Variants in SHISA9 observed in about 807,000 individuals in gnomAD.
SHISA9 encodes shisa family member 9.
Under a neutral mutation model 38.0 loss-of-function variants are expected in SHISA9, and 13 were observed. The ratio of observed to expected loss-of-function variants is 0.34; its 90% confidence interval spans 0.22 to 0.54. The LOEUF (loss-of-function observed/expected upper bound fraction) is 0.54, where lower values mean the gene tolerates loss of function less well. Ranked by LOEUF, SHISA9 falls within the 20% of genes least tolerant of loss-of-function variation. SHISA9 has a pLI of 0.91. For missense variants in SHISA9, 538 were observed against 575.8 expected, an observed-to-expected ratio of 0.93 and a Z score of 0.67; for synonymous variants, 275 against 242.0, an observed-to-expected ratio of 1.14 and a Z score of -1.27.
chr16:13,493,326 T>G, the SHISA9 span, among the ~76,000 whole-genome samples: 1 of 152,128 alleles, frequency 6.6e-6, no homozygotes, highest in Non-Finnish European at 1.5e-5. Flanking sequence ...GGCACCTGAT[T>G]TTTTACAGTG....
chr16:13,190,117 A>T (rs550474902), intron 2 of SHISA9, among the ~76,000 whole-genome samples: 1 of 150,402 alleles, frequency 6.6e-6, no homozygotes, highest in African/African-American at 2.5e-5. Flanking sequence ...TTTAGGGTAC[A>T]TGTGCACGTT....
the SHISA9 span, among the ~76,000 whole-genome samples, chr16:13,266,573 G>T: frequency 6.6e-6 from 1 of 152,120 alleles, no homozygotes; most frequent in Non-Finnish European, 1.5e-5. Context: ...TTTCCCATTT[G>T]GAATTGCTCA....
At chr16:13,318,629 G>A in the SHISA9 span, among the ~76,000 whole-genome samples, 53,084 of 151,886 alleles carry the variant, frequency 0.35, 9,547 homozygotes, top group Middle Eastern at 0.43. Context: ...CCCTCCAGAC[G>A]TTTCTAAATG....
At chr16:13,215,253 C>T (rs1222203667) in intron 4 of SHISA9, among the ~76,000 whole-genome samples, 1 of 152,132 alleles carries the variant, frequency 6.6e-6, no homozygotes, top group East Asian at 1.9e-4. Flanking sequence ...CTGGGCCTTA[C>T]CCAGGAGCAC....
chr16:13,116,206 C>T (rs894851723), intron 2 of SHISA9, among the ~76,000 whole-genome samples: 1 of 152,124 alleles, frequency 6.6e-6, no homozygotes, highest in African/African-American at 2.4e-5. Context: ...ATCATACCTA[C>T]CCTTGTTAAG....
At chr16:13,434,660 C>T in the SHISA9 span, among the ~76,000 whole-genome samples, 21 of 152,052 alleles carry the variant, frequency 1.4e-4, no homozygotes, top group South Asian at 1.9e-3. Context: ...CCTCGTGATC[C>T]GCCCACCTCG....
intron 1 of SHISA9, among the ~76,000 whole-genome samples, chr16:12,903,425 T>G (rs1433119549): frequency 2.0e-5 from 3 of 152,186 alleles, no homozygotes; most frequent in African/African-American, 7.2e-5. Context: ...GGGTTTGCCT[T>G]GTTCATTATG....
the SHISA9 span, among the ~76,000 whole-genome samples, chr16:13,268,593 G>C: frequency 6.6e-6 from 1 of 152,154 alleles, no homozygotes; most frequent in African/African-American, 2.4e-5. Context: ...TCCCCATGTA[G>C]AGGAAATGGG....
the SHISA9 span, among the ~76,000 whole-genome samples, chr16:13,377,423 C>T: frequency 1.3e-5 from 2 of 152,164 alleles, no homozygotes; most frequent in Admixed American, 1.3e-4. Context: ...TTCCTCATGA[C>T]TCATTAGCTT....
the SHISA9 span, among the ~76,000 whole-genome samples, chr16:13,373,869 C>CA: frequency 2.0e-5 from 3 of 152,018 alleles, no homozygotes; most frequent in Admixed American, 1.3e-4. Context: ...GAGGCCCACA[C>CA]AGAATAAGAT....
intron 2 of SHISA9, among the ~76,000 whole-genome samples, chr16:13,096,663 T>C (rs889584647): frequency 2.0e-5 from 3 of 152,228 alleles, no homozygotes; most frequent in Non-Finnish European, 4.4e-5. Context: ...TATGAGTAAC[T>C]TCTTGGAGTC....
the SHISA9 span, among the ~76,000 whole-genome samples, chr16:13,430,926 A>AG: frequency 6.6e-6 from 1 of 151,370 alleles, no homozygotes; most frequent in Non-Finnish European, 1.5e-5. Flanking sequence ...TTCTAGAAAA[A>AG]AAAAAAAAGA....
the SHISA9 span, among the ~76,000 whole-genome samples, chr16:13,381,291 G>T: frequency 1.3e-5 from 2 of 152,206 alleles, no homozygotes; most frequent in Non-Finnish European, 2.9e-5. Context: ...TAGCAAAGCA[G>T]TGGAACTAAT....
At chr16:13,066,250 T>G (rs2047624594) in intron 2 of SHISA9, among the ~76,000 whole-genome samples, 1 of 152,212 alleles carries the variant, frequency 6.6e-6, no homozygotes, top group Non-Finnish European at 1.5e-5. Flanking sequence ...ACTTGACATG[T>G]AGTGTGAATC....
At chr16:12,984,912 A>T (rs2072286888) in intron 2 of SHISA9, among the ~76,000 whole-genome samples, 1 of 152,156 alleles carries the variant, frequency 6.6e-6, no homozygotes, top group Non-Finnish European at 1.5e-5. Context: ...TCCAGTTGGA[A>T]CAAACTCTGA....
At chr16:12,988,514 G>A (rs540758647) in intron 2 of SHISA9, among the ~76,000 whole-genome samples, 3 of 152,106 alleles carry the variant, frequency 2.0e-5, no homozygotes, top group African/African-American at 7.2e-5. Context: ...ATATTTTATT[G>A]TTGTTGTTGT....
At chr16:13,149,569 C>T (rs549379872) in intron 2 of SHISA9, among the ~76,000 whole-genome samples, 1 of 152,288 alleles carries the variant, frequency 6.6e-6, no homozygotes, top group African/African-American at 2.4e-5. Context: ...GAGCGGATTA[C>T]ATTGCATCTC....
the SHISA9 span, among the ~76,000 whole-genome samples, chr16:13,406,532 C>G: frequency 4.6e-5 from 7 of 152,194 alleles, no homozygotes; most frequent in African/African-American, 1.7e-4. Flanking sequence ...ACATTCTCTT[C>G]CGCTTTCTAC....
chr16:13,087,279 A>C (rs1256138830), intron 2 of SHISA9, among the ~76,000 whole-genome samples: 1 of 151,408 alleles, frequency 6.6e-6, no homozygotes, highest in Non-Finnish European at 1.5e-5. Context: ...ATAGTGCCGC[A>C]ATAAACATAC....
Sources: gnomAD v4.1 joint callset for allele counts (sites outside exome capture counted in the v4.1 genomes callset) on GRCh38, gnomAD v4.1.1 for gene constraint, MANE v1.5 for transcripts, NCBI Gene and HGNC (gene_info 2026-07-23, HGNC 2026-07-21) for gene names.